The following SGK3 variants were observed in gnomAD, a reference collection of about 807,000 sequenced individuals.
SGK3 encodes serum/glucocorticoid regulated kinase family member 3.
SGK3 carries 47 observed loss-of-function variants against 68.5 expected under a neutral mutation model. The ratio of observed to expected loss-of-function variants is 0.69; its 90% confidence interval spans 0.54 to 0.87. SGK3 has a LOEUF of 0.87. Ranked by LOEUF, SGK3 falls within the 40% of genes least tolerant of loss-of-function variation. The pLI is 0.00. For synonymous variants in SGK3, 181 were observed against 189.1 expected, an observed-to-expected ratio of 0.96 and a Z score of 0.35; for missense variants, 479 against 575.5, an observed-to-expected ratio of 0.83 and a Z score of 1.72.
chr8:66,745,996 G>A (rs1177207997), intron 1 of SGK3, among the ~76,000 whole-genome samples: 4 of 152,108 alleles, frequency 2.6e-5, no homozygotes, highest in Admixed American at 6.5e-5. Flanking sequence ...GGGACAAAAC[G>A]TTCAAGCCAT....
At chr8:66,801,407 A>G (rs368253090) in intron 3 of SGK3, among the ~76,000 whole-genome samples, 2 of 152,348 alleles carry the variant, frequency 1.3e-5, no homozygotes, top group South Asian at 4.1e-4. Context: ...GAGAGTTTGT[A>G]CATGGAAATA....
At chr8:66,834,441 G>A (rs1329800665) in intron 8 of SGK3, among the ~76,000 whole-genome samples, 2 of 152,090 alleles carry the variant, frequency 1.3e-5, no homozygotes, top group Non-Finnish European at 2.9e-5. Flanking sequence ...TTTAGCAAAA[G>A]AGAGGCTTTA....
chr8:66,744,590 C>T, intron 1 of SGK3, among the ~76,000 whole-genome samples: 1 of 134,118 alleles, frequency 7.5e-6, no homozygotes, highest in Non-Finnish European at 1.5e-5. Flanking sequence ...TCACTGCAAC[C>T]TCTGCCTCCC....
chr8:66,844,162 A>C (rs1038758609), intron 14 of SGK3, among the ~76,000 whole-genome samples: 1 of 152,186 alleles, frequency 6.6e-6, no homozygotes, highest in Non-Finnish European at 1.5e-5. Context: ...GCTTCCATTC[A>C]GTTTACTCAA....
intron 1 of SGK3, among the ~76,000 whole-genome samples, chr8:66,718,327 C>T (rs1804699363): frequency 6.6e-6 from 1 of 151,682 alleles, no homozygotes; most frequent in Non-Finnish European, 1.5e-5. Context: ...TCCCAGCCTA[C>T]CTCCCTATTT....
intron 1 of SGK3, among the ~76,000 whole-genome samples, chr8:66,790,073 A>G (rs1341196829): frequency 2.6e-5 from 4 of 152,020 alleles, no homozygotes; most frequent in Non-Finnish European, 5.9e-5. Flanking sequence ...GTGAGACCCC[A>G]TCTCAAAAAA....
chr8:66,793,808 C>G lies in SGK3; in HGVS notation c.72C>G (p.His24Gln). 1 of 1,612,938 alleles carries G rather than the reference C, an allele frequency of 6.2e-7. No individual in the cohort carries two copies. The highest frequency in any genetic ancestry group is 8.5e-7 in the Non-Finnish European group (1 of 1,179,306). ...PSVSIPSSDE[H>Q]REKKKRFTVY... ...TAAGCATTCCCAGCTCCGATGAACACAGAGAGAAAAAGAAGAGGTTTACTG... is the reference window on the plus strand; with the variant it reads ...TAAGCATTCCCAGCTCCGATGAACAGAGAGAGAAAAAGAAGAGGTTTACTG... Residue 24 changes from histidine to glutamine, a missense_variant, in exon 2 of 17, where the codon CAC becomes CAG. By Grantham distance (24) the His-to-Gln change is conservative (BLOSUM62 0). Transcript: ENST00000521198.
chr8:66,739,295 A>G (rs964840176), intron 1 of SGK3, among the ~76,000 whole-genome samples: 1 of 152,184 alleles, frequency 6.6e-6, no homozygotes, highest in Non-Finnish European at 1.5e-5. Flanking sequence ...CTTACTTTAT[A>G]ACAACCTGCT....
intron 1 of SGK3, among the ~76,000 whole-genome samples, chr8:66,717,844 C>A (rs571957394): frequency 6.6e-6 from 1 of 152,020 alleles, no homozygotes; most frequent in South Asian, 2.1e-4. Flanking sequence ...GCTGGGTCTA[C>A]AGTTGTGCAC....
intron 1 of SGK3, among the ~76,000 whole-genome samples, chr8:66,749,537 A>G (rs772103363): frequency 6.6e-6 from 1 of 152,172 alleles, no homozygotes; most frequent in Non-Finnish European, 1.5e-5. Context: ...TGTGAGCAAG[A>G]ATGGAATTGC....
At chr8:66,808,962 C>G (rs1032197682) in intron 4 of SGK3, among the ~76,000 whole-genome samples, 3 of 151,900 alleles carry the variant, frequency 2.0e-5, no homozygotes, top group Non-Finnish European at 4.4e-5. Flanking sequence ...CTCCACCTCC[C>G]CAGTTCAAGC....
At chr8:66,814,934 G>A (rs1487741732) in intron 5 of SGK3, among the ~76,000 whole-genome samples, 1 of 152,202 alleles carries the variant, frequency 6.6e-6, no homozygotes, top group Non-Finnish European at 1.5e-5. Context: ...TATGTATAAA[G>A]TATTCTAAGA....
intron 1 of SGK3, among the ~76,000 whole-genome samples, chr8:66,725,451 T>G (rs1319862867): frequency 6.7e-6 from 1 of 150,350 alleles, no homozygotes; most frequent in South Asian, 2.1e-4. Context: ...GGATGAGAAC[T>G]GGGTGGATAG....
intron 6 of SGK3, among the ~76,000 whole-genome samples, chr8:66,827,729 A>G (rs1464837071): frequency 6.6e-6 from 1 of 152,146 alleles, no homozygotes; most frequent in Non-Finnish European, 1.5e-5. Flanking sequence ...TAGGTAAATA[A>G]AGATTTGCTT....
chr8:66,806,287 T>C (rs535545218), intron 4 of SGK3, among the ~76,000 whole-genome samples: 1 of 152,330 alleles, frequency 6.6e-6, no homozygotes, highest in South Asian at 2.1e-4. Context: ...AGGTGCAGAC[T>C]TATGTCTTTT....
At chr8:66,851,707 C>T (rs1353620452) in intron 16 of SGK3, among the ~76,000 whole-genome samples, 2 of 152,120 alleles carry the variant, frequency 1.3e-5, no homozygotes, top group East Asian at 1.9e-4. Context: ...AAGCAAAAAG[C>T]CATATTAAAG....
chr8:66,768,170 G>A lies in SGK3; in HGVS notation c.-121-25446G>A, dbSNP rs539170654. The stretch of plus-strand genomic sequence containing the variant: ...CTCTAATGCTAGCTTTTATAATACT[G>A]TTGTCATATATTTTACTGATACATT... On this transcript the variant is annotated intron_variant, in intron 1 of 16. Transcript: ENST00000521198. Among the ~76,000 whole-genome samples the A allele has an allele frequency of 6.6e-3, 996 of 152,060 alleles. 4 individuals are homozygous for A. The highest frequency in any genetic ancestry group is 0.01 in the Non-Finnish European group (710 of 67,998).
intron 1 of SGK3, among the ~76,000 whole-genome samples, chr8:66,748,633 C>T (rs1376625330): frequency 1.3e-5 from 2 of 152,166 alleles, no homozygotes; most frequent in Non-Finnish European, 2.9e-5. Context: ...AGGACCAGGC[C>T]AGCAGTGCCT....
intron 1 of SGK3, among the ~76,000 whole-genome samples, chr8:66,743,949 C>A (rs1158368861): frequency 2.0e-5 from 3 of 152,200 alleles, no homozygotes; most frequent in African/African-American, 7.2e-5. Context: ...CAGGAGTCCT[C>A]TGTCCTTTTG....
Sources: allele counts gnomAD v4.1 joint callset (sites outside exome capture counted in the v4.1 genomes callset), GRCh38; gene constraint gnomAD v4.1.1; transcripts MANE v1.5; gene names NCBI Gene and HGNC (gene_info 2026-07-23, HGNC 2026-07-21).